The following ATG10 variants were observed in gnomAD, a reference collection of about 807,000 sequenced individuals.
ATG10 encodes the protein autophagy related 10, also known as ubiquitin-like-conjugating enzyme ATG10.
ATG10 carries 30 observed loss-of-function variants against 32.1 expected under a neutral mutation model. The ratio of observed to expected loss-of-function variants is 0.94; its 90% CI spans 0.70 to 1.27. ATG10 has a LOEUF of 1.27. Ranked by LOEUF, ATG10 falls within the 50% of genes most tolerant of loss-of-function variation. The probability of loss-of-function intolerance (pLI) is 0.00; values close to 1 mark genes in which losing one functional copy is unlikely to be tolerated. For missense variants in ATG10, 233 were observed against 262.3 expected (o/e 0.89, Z 0.77); for synonymous variants, 87 against 91.5 (o/e 0.95, Z 0.28).
At chr5:82,178,439 C>A in intron 4 of ATG10, 51 bp from the exon 5 acceptor site, 1 of 1,098,540 alleles carries the variant, frequency 9.1e-7, no homozygotes. Flanking sequence ...ACACCAAGCA[C>A]CATTGTGTCA....
chr5:82,109,045 G>T (rs975476406), intron 3 of ATG10, among the ~76,000 whole-genome samples: 5 of 152,088 alleles, frequency 3.3e-5, no homozygotes, highest in African/African-American at 1.2e-4. Flanking sequence ...TTCAGAGAAA[G>T]TGTATAGACT....
chr5:82,081,159 T>G (rs1417968664), intron 3 of ATG10, among the ~76,000 whole-genome samples: 5 of 152,192 alleles, frequency 3.3e-5, no homozygotes, highest in Admixed American at 1.3e-4. Flanking sequence ...TTTGGCTGAT[T>G]GTCTGTTGTT....
intron 5 of ATG10, among the ~76,000 whole-genome samples, chr5:82,217,816 A>C (rs1745748020): frequency 6.6e-6 from 1 of 151,546 alleles, no homozygotes; most frequent in African/African-American, 2.4e-5. Context: ...CTACCAAAAA[A>C]AAAAAAAAAA....
intron 5 of ATG10, among the ~76,000 whole-genome samples, chr5:82,235,070 C>T (rs537127548): frequency 6.6e-6 from 1 of 152,312 alleles, no homozygotes; most frequent in South Asian, 2.1e-4. Flanking sequence ...TCTGCACAGA[C>T]TCCTAGGGGA....
chr5:81,990,130 G>T (rs1193026401), intron 2 of ATG10, among the ~76,000 whole-genome samples: 1 of 151,954 alleles, frequency 6.6e-6, no homozygotes, highest in East Asian at 1.9e-4. Flanking sequence ...ATTATTTTAT[G>T]CATTGACTAG....
intron 3 of ATG10, among the ~76,000 whole-genome samples, chr5:82,119,968 A>G (rs1765979265): frequency 6.7e-6 from 1 of 149,764 alleles, no homozygotes; most frequent in African/African-American, 2.5e-5. Context: ...ATTTGGCTGT[A>G]GGAGTCCACC....
intron 4 of ATG10, among the ~76,000 whole-genome samples, chr5:82,177,815 G>A (rs1744091347): frequency 6.6e-6 from 1 of 151,982 alleles, no homozygotes; most frequent in African/African-American, 2.4e-5. Flanking sequence ...TGCCAACCCC[G>A]TTCTCTTGTC....
At chr5:82,037,233 A>ATTTTT (rs1762953183) in intron 2 of ATG10, among the ~76,000 whole-genome samples, 2 of 53,722 alleles carry the variant, frequency 3.7e-5, no homozygotes, top group Non-Finnish European at 7.8e-5. Flanking sequence ...GATCTCATTT[A>ATTTTT]CTTTTTTTTT....
intron 3 of ATG10, among the ~76,000 whole-genome samples, chr5:82,099,187 C>G (rs1402056358): frequency 6.6e-6 from 1 of 151,962 alleles, no homozygotes; most frequent in Non-Finnish European, 1.5e-5. Flanking sequence ...TTGGAAAAAA[C>G]TTTACCTCTA....
intron 3 of ATG10, among the ~76,000 whole-genome samples, chr5:82,130,793 C>T (rs1766487206): frequency 6.6e-6 from 1 of 152,106 alleles, no homozygotes; most frequent in Non-Finnish European, 1.5e-5. Flanking sequence ...CCTGTTTGGC[C>T]ATCTTGCCAG....
intron 3 of ATG10, among the ~76,000 whole-genome samples, chr5:82,163,607 A>G (rs574645813): frequency 3.3e-5 from 5 of 152,320 alleles, no homozygotes; most frequent in Non-Finnish European, 5.9e-5. Context: ...ACCCCAATAA[A>G]TAAGTGAAAG....
At chr5:82,135,864 G>A (rs1192893394) in intron 3 of ATG10, among the ~76,000 whole-genome samples, 2 of 152,052 alleles carry the variant, frequency 1.3e-5, no homozygotes, top group African/African-American at 4.8e-5. Flanking sequence ...AAGTCTCTTT[G>A]TAGGTCTCTA....
intron 2 of ATG10, among the ~76,000 whole-genome samples, chr5:82,017,857 A>G (rs1343049714): frequency 6.6e-6 from 1 of 151,630 alleles, no homozygotes; most frequent in Non-Finnish European, 1.5e-5. Flanking sequence ...CTCTTAGTTC[A>G]CCTTCTATAT....
chr5:82,087,562 T>A, intron 3 of ATG10, among the ~76,000 whole-genome samples: 1 of 152,278 alleles, frequency 6.6e-6, no homozygotes, highest in East Asian at 1.9e-4. Flanking sequence ...CAGCAAATAT[T>A]ACTGACTTCA....
At chr5:82,107,744 A>G (rs1384263597) in intron 3 of ATG10, among the ~76,000 whole-genome samples, 1 of 152,112 alleles carries the variant, frequency 6.6e-6, no homozygotes, top group Non-Finnish European at 1.5e-5. Context: ...CACAGTCTCT[A>G]TTCTTCAATA....
rs150734043 is a variant in ATG10 at position 82,075,856 on chromosome 5, A to G, written c.216+17254A>G. ...AGGCTGAGGCAGGAGAATCACTTGA[A>G]CCTGGGAAGCAGACATTGCAGTGAG... On this transcript the variant is annotated intron_variant, in intron 3 of 7. Transcript: ENST00000282185. Among the ~76,000 whole-genome samples, 466 of 152,246 alleles carry G rather than the reference A, an allele frequency of 3.1e-3. 7 individuals carry two copies. The highest frequency in any genetic ancestry group is 0.011 in the African/African-American group (450 of 41,534).
At chr5:82,253,498 A>T (rs1747345798) in intron 7 of ATG10, 69 bp downstream of exon 7, 1 of 1,067,832 alleles carries the variant, frequency 9.4e-7, no homozygotes, top group Non-Finnish European at 1.4e-6. Context: ...ATTTAGACTC[A>T]TCCCACCAAA....
intron 3 of ATG10, among the ~76,000 whole-genome samples, chr5:82,116,230 A>G (rs1276129660): frequency 6.6e-6 from 1 of 152,090 alleles, no homozygotes; most frequent in African/African-American, 2.4e-5. Flanking sequence ...TCCATATAGT[A>G]GTTGGCATTG....
chr5:82,045,476 C>T (rs1054133297), intron 2 of ATG10, among the ~76,000 whole-genome samples: 1 of 152,004 alleles, frequency 6.6e-6, no homozygotes, highest in African/African-American at 2.4e-5. Flanking sequence ...GTGTGTATGC[C>T]TTTGGGGTGG....
Sources: allele counts gnomAD v4.1 joint callset (sites outside exome capture counted in the v4.1 genomes callset), GRCh38; gene constraint gnomAD v4.1.1; transcripts MANE v1.5; gene names NCBI Gene and HGNC (gene_info 2026-07-23, HGNC 2026-07-21).